The following NCK2 variants were observed in gnomAD, a reference collection of about 807,000 sequenced individuals.
The protein encoded by NCK2 is cytoplasmic protein NCK2.
In NCK2, 16 loss-of-function variants were observed where a neutral mutation model predicts 33.9. The ratio of observed to expected loss-of-function variants is 0.47; its 90% CI spans 0.32 to 0.72. The LOEUF is 0.72. NCK2 is among the 30% of genes least tolerant of loss of function. NCK2 has a pLI of 0.03. For missense variants in NCK2, 418 were observed against 537.3 expected, an observed-to-expected ratio of 0.78 and a Z score of 2.19; for synonymous variants, 273 against 239.9, an observed-to-expected ratio of 1.14 and a Z score of -1.27.
At chr2:105,891,858 C>A (rs533845606) in intron 4 of NCK2, among the ~76,000 whole-genome samples, 47 of 152,172 alleles carry the variant, frequency 3.1e-4, no homozygotes, top group Non-Finnish European at 6.6e-4. Flanking sequence ...ATAAAAGACA[C>A]ATTTTAATTA....
chr2:105,825,317 T>G (rs560824221), intron 2 of NCK2, among the ~76,000 whole-genome samples: 1 of 152,352 alleles, frequency 6.6e-6, no homozygotes, highest in South Asian at 2.1e-4. Flanking sequence ...CGAGTTTTCA[T>G]GTATTCACAC....
intron 1 of NCK2, among the ~76,000 whole-genome samples, chr2:105,747,403 GATC>G (rs1689321208): frequency 6.6e-6 from 1 of 152,266 alleles, no homozygotes; most frequent in African/African-American, 2.4e-5. Flanking sequence ...TCCTTTACTT[GATC>G]AGTTGCACTA....
intron 2 of NCK2, chr2:105,848,388 G>A (rs1340808297): frequency 6.6e-6 from 1 of 152,144 alleles, no homozygotes; most frequent in Non-Finnish European, 1.5e-5. Flanking sequence ...TAATTTCAAC[G>A]GTCGGAAGAG....
In NCK2 at chr2:105,865,902, ATAT is replaced by A. The variant is rs61440392; in HGVS notation, c.226+10639_226+10641del. 3.9e-3 allele frequency among the ~76,000 whole-genome samples: 579 copies of A among 148,756 alleles called. 4 individuals are homozygous for A. Among genetic ancestry groups the A allele is most frequent in the African/African-American group, 0.013 (535 of 40,482 alleles). ...GTTGTCTTCACTCTTAAAGACAGAG[ATAT>A]TATTATTATTATTATTATTATTATT... On this transcript the variant is annotated intron_variant, in intron 3 of 4. Coordinates refer to ENST00000233154, the MANE Select transcript of NCK2 (RefSeq NM_003581.5).
chr2:105,841,044 G>A (rs569327807), intron 2 of NCK2, among the ~76,000 whole-genome samples: 9 of 152,314 alleles, frequency 5.9e-5, no homozygotes, highest in Admixed American at 2.0e-4. Flanking sequence ...CACTGATAGT[G>A]TGGATTACAA....
In NCK2 at chr2:105,749,551, CCTT is replaced by C. The variant is rs148565041; in HGVS notation, c.-201+4416_-201+4418del. On this transcript the variant is annotated intron_variant, in intron 1 of 4. Coordinates refer to ENST00000233154, the MANE Select transcript of NCK2 (RefSeq NM_003581.5). ...GACAGAGCTTGAATTTAGGTTAAGT[CCTT>C]CTGCAGGCCATACATGAGGAACACC... Among the ~76,000 whole-genome samples, 623 of 152,284 alleles carry C rather than the reference CCTT, an allele frequency of 4.1e-3. 2 individuals are homozygous for C. Among genetic ancestry groups the C allele is most frequent in the African/African-American group, 0.014 (570 of 41,542 alleles).
intron 2 of NCK2, among the ~76,000 whole-genome samples, chr2:105,831,217 A>G (rs2889603): frequency 0.9 from 136,809 of 152,142 alleles, 61,576 homozygotes; most frequent in East Asian, 0.98. Context: ...AAAGTGATCT[A>G]TACATTCAGT....
At chr2:105,749,285 G>A (rs1158358288) in intron 1 of NCK2, among the ~76,000 whole-genome samples, 1 of 152,184 alleles carries the variant, frequency 6.6e-6, no homozygotes, top group African/African-American at 2.4e-5. Context: ...AGCTTCAAGT[G>A]CACTCAGAAT....
intron 1 of NCK2, among the ~76,000 whole-genome samples, chr2:105,798,873 A>C (rs1299214002): frequency 6.6e-6 from 1 of 152,238 alleles, no homozygotes; most frequent in Non-Finnish European, 1.5e-5. Flanking sequence ...TCTTAACCAC[A>C]GCACAGTTTT....
chr2:105,819,133 T>C (rs567287722), intron 2 of NCK2, among the ~76,000 whole-genome samples: 1 of 152,250 alleles, frequency 6.6e-6, no homozygotes, highest in African/African-American at 2.4e-5. Flanking sequence ...GCACTCACAC[T>C]GCATACCTGA....
chr2:105,744,720 G>C (rs889137201), upstream of NCK2, among the ~76,000 whole-genome samples: 136 of 151,164 alleles, frequency 9.0e-4, 2 homozygotes, highest in African/African-American at 3.0e-3. Flanking sequence ...GCGACGACGG[G>C]GGGCGCCCCA....
At chr2:105,753,244 GGGAAGGCCCTGGACTTT>G (rs1252856019) in intron 1 of NCK2, among the ~76,000 whole-genome samples, 6 of 152,236 alleles carry the variant, frequency 3.9e-5, no homozygotes, top group Admixed American at 1.3e-4. Flanking sequence ...CAAGTGGTTG[GGGAAGGCCCTGGACTTT>G]GGAAGGGCCT....
At chr2:105,856,356 ATGT>A (rs1186462117) in intron 3 of NCK2, among the ~76,000 whole-genome samples, 1 of 152,202 alleles carries the variant, frequency 6.6e-6, no homozygotes, top group Non-Finnish European at 1.5e-5. Flanking sequence ...TATGAGTATA[ATGT>A]TGTCTGTATC....
At chr2:105,784,610 AATC>A (rs1690609046) in intron 1 of NCK2, among the ~76,000 whole-genome samples, 1 of 152,250 alleles carries the variant, frequency 6.6e-6, no homozygotes, top group African/African-American at 2.4e-5. Context: ...TTTCTATAAT[AATC>A]ACATTTAAAT....
At chr2:105,766,114 G>A (rs1193371212) in intron 1 of NCK2, among the ~76,000 whole-genome samples, 1 of 152,092 alleles carries the variant, frequency 6.6e-6, no homozygotes, top group Non-Finnish European at 1.5e-5. Flanking sequence ...CTTCAAGAGT[G>A]TTAAAGGAAA....
intron 4 of NCK2, among the ~76,000 whole-genome samples, chr2:105,890,171 G>A (rs3769492): frequency 0.22 from 33,711 of 152,016 alleles, 4,155 homozygotes; most frequent in Admixed American, 0.33. Context: ...AGGAGCCCAC[G>A]AAATTAAAAA....
At chr2:105,810,226 C>T (rs960981949) in intron 1 of NCK2, among the ~76,000 whole-genome samples, 2 of 152,164 alleles carry the variant, frequency 1.3e-5, no homozygotes, top group African/African-American at 4.8e-5. Context: ...TTCTCACCCC[C>T]GATTCTACTC....
rs571386471 is a variant in NCK2, at chr2:105,777,183, G to A, written c.-201+32045G>A. Among the ~76,000 whole-genome samples, 6 of 152,186 alleles carry A rather than the reference G, an allele frequency of 3.9e-5. No individual in the cohort carries two copies. The South Asian group carries it at 1.2e-3, about 32-fold the overall frequency. On this transcript the variant is annotated intron_variant, in intron 1 of 4. Coordinates refer to ENST00000233154, the MANE Select transcript of NCK2 (RefSeq NM_003581.5). ...CTGGGCACTCCACCGATGGCAGCTG[G>A]AACCTTCTACTCTCGTCACTGCTGC...
At chr2:105,877,616 C>T (rs1678292134) in intron 3 of NCK2, among the ~76,000 whole-genome samples, 1 of 152,290 alleles carries the variant, frequency 6.6e-6, no homozygotes, top group East Asian at 1.9e-4. Flanking sequence ...AAAGGTTTCT[C>T]TCTGCTTGGG....
Sources: gnomAD v4.1 joint callset for allele counts (sites outside exome capture counted in the v4.1 genomes callset) on GRCh38, gnomAD v4.1.1 for gene constraint, MANE v1.5 for transcripts, NCBI Gene and HGNC (gene_info 2026-07-23, HGNC 2026-07-21) for gene names.